The following TENM3 variants were observed in gnomAD, a reference collection of about 807,000 sequenced individuals.
TENM3 encodes the protein teneurin-3.
A neutral mutation model predicts 255.1 loss-of-function variants in TENM3; 63 were observed. The ratio of observed to expected loss-of-function variants is 0.25; its 90% CI spans 0.20 to 0.30. The LOEUF is 0.30. TENM3 is among the 10% of genes least tolerant of loss of function. The pLI is 1.00. For missense variants in TENM3, 2,929 were observed against 3,461.1 expected (o/e 0.85, Z 3.86); for synonymous variants, 1,306 against 1,322.3 (o/e 0.99, Z 0.27).
At chr4:182,499,507 G>T (rs1255855453) in intron 3 of TENM3, among the ~76,000 whole-genome samples, 1 of 152,120 alleles carries the variant, frequency 6.6e-6, no homozygotes, top group Admixed American at 6.5e-5. Flanking sequence ...GAGCCCATGG[G>T]TTTGGCTGGC....
chr4:182,430,330 C>T (rs527834519), intron 3 of TENM3, among the ~76,000 whole-genome samples: 6 of 151,950 alleles, frequency 3.9e-5, no homozygotes, highest in African/African-American at 7.2e-5. Flanking sequence ...AGGCGGATCA[C>T]GAGGTCAGGA....
chr4:181,979,097 CATAT>C, the TENM3 span, among the ~76,000 whole-genome samples: 28 of 30,374 alleles, frequency 9.2e-4, no homozygotes, highest in South Asian at 1.5e-3. Flanking sequence ...TTAAGCCTGA[CATAT>C]ATATATATAT....
chr4:181,914,439 G>T, the TENM3 span, among the ~76,000 whole-genome samples: 1 of 152,048 alleles, frequency 6.6e-6, no homozygotes. Flanking sequence ...TTGCTATTGG[G>T]TTATTATATC....
the TENM3 span, among the ~76,000 whole-genome samples, chr4:181,844,465 G>A: frequency 6.6e-6 from 1 of 152,050 alleles, no homozygotes; most frequent in East Asian, 1.9e-4. Context: ...TCAGGAGATC[G>A]AGACCATCTT....
chr4:182,166,722 C>T (rs1220167657), intron 1 of TENM3, among the ~76,000 whole-genome samples: 1 of 152,130 alleles, frequency 6.6e-6, no homozygotes, highest in African/African-American at 2.4e-5. Context: ...ACCTCTGCCT[C>T]CCAGGTTAAA....
intron 1 of TENM3, among the ~76,000 whole-genome samples, chr4:182,197,064 C>T (rs1325569479): frequency 6.6e-6 from 1 of 152,194 alleles, no homozygotes; most frequent in African/African-American, 2.4e-5. Context: ...GTTACAGTTT[C>T]ACAATTTAAA....
intron 3 of TENM3, among the ~76,000 whole-genome samples, chr4:182,425,661 G>A (rs2151161887): frequency 6.6e-6 from 1 of 152,130 alleles, no homozygotes; most frequent in Non-Finnish European, 1.5e-5. Context: ...AAAATATATT[G>A]CCCTCTTTCG....
chr4:181,806,177 T>C, the TENM3 span, among the ~76,000 whole-genome samples: 1 of 152,344 alleles, frequency 6.6e-6, no homozygotes, highest in Non-Finnish European at 1.5e-5. Context: ...AGTTTGCTTT[T>C]TCCCTTTTCA....
intron 12 of TENM3, among the ~76,000 whole-genome samples, chr4:182,694,114 A>AT (rs1181626636): frequency 2.0e-5 from 3 of 151,386 alleles, no homozygotes; most frequent in Non-Finnish European, 2.9e-5. Flanking sequence ...ATTTTCATTT[A>AT]TTTTTTTATT....
At chr4:181,637,188 ATTAG>A in the TENM3 span, among the ~76,000 whole-genome samples, 18 of 151,288 alleles carry the variant, frequency 1.2e-4, no homozygotes, top group African/African-American at 4.1e-4. Context: ...CCTCTGCAAA[ATTAG>A]TTATAATTAT....
the TENM3 span, among the ~76,000 whole-genome samples, chr4:181,977,326 A>ATGT: frequency 6.6e-6 from 1 of 152,234 alleles, no homozygotes; most frequent in Non-Finnish European, 1.5e-5. Context: ...TTACATAAGT[A>ATGT]AATGTATGTA....
chr4:182,455,073 T>C (rs570624478), intron 3 of TENM3, among the ~76,000 whole-genome samples: 3 of 152,214 alleles, frequency 2.0e-5, no homozygotes, highest in African/African-American at 7.2e-5. Flanking sequence ...ATTGGAGATA[T>C]CTCCTTATCA....
At chr4:182,359,445 A>T (rs142281861) in intron 3 of TENM3, among the ~76,000 whole-genome samples, 103,124 of 147,374 alleles carry the variant, frequency 0.7, 37,809 homozygotes, top group East Asian at 0.92. Context: ...GGTTTAGTCT[A>T]GGGAGAGTGT....
chr4:181,570,441 C>T, the TENM3 span, among the ~76,000 whole-genome samples: 1 of 151,564 alleles, frequency 6.6e-6, no homozygotes, highest in African/African-American at 2.4e-5. Flanking sequence ...GTCAAGGCTG[C>T]AATGAACCAT....
the TENM3 span, among the ~76,000 whole-genome samples, chr4:181,878,328 G>A: frequency 2.0e-5 from 3 of 149,972 alleles, no homozygotes; most frequent in Admixed American, 6.6e-5. Flanking sequence ...AAATGAGGGG[G>A]CAGGAAAAGG....
chr4:182,027,571 C>CT, the TENM3 span, among the ~76,000 whole-genome samples: 141,915 of 149,116 alleles, frequency 0.95, 67,856 homozygotes, highest in East Asian at 1. Flanking sequence ...AAAGGCTTTC[C>CT]TTTTTTTTTT....
intron 3 of TENM3, among the ~76,000 whole-genome samples, chr4:182,382,426 C>T (rs1449355533): frequency 3.3e-5 from 5 of 151,678 alleles, no homozygotes; most frequent in African/African-American, 9.7e-5. Context: ...TCCAAAATAG[C>T]TCAAATGAGC....
the TENM3 span, among the ~76,000 whole-genome samples, chr4:182,050,959 C>T: frequency 6.6e-6 from 1 of 152,200 alleles, no homozygotes; most frequent in Non-Finnish European, 1.5e-5. Flanking sequence ...AAAGCGCCCA[C>T]ATTCTGTTGA....
At chr4:182,595,268 C>G (rs966644764) in intron 3 of TENM3, among the ~76,000 whole-genome samples, 1 of 151,994 alleles carries the variant, frequency 6.6e-6, no homozygotes, top group African/African-American at 2.4e-5. Context: ...ATGCAGAGTT[C>G]CATGAATAGG....
Sources: allele counts gnomAD v4.1 joint callset (sites outside exome capture counted in the v4.1 genomes callset), GRCh38; gene constraint gnomAD v4.1.1; transcripts MANE v1.5; gene names NCBI Gene and HGNC (gene_info 2026-07-23, HGNC 2026-07-21).